Variants in ZNF536 observed in about 807,000 individuals in gnomAD.
ZNF536 encodes zinc finger protein 536.
Under a neutral mutation model 84.5 loss-of-function variants are expected in ZNF536, and 13 were observed. The observed-to-expected ratio is 0.15, with a 90% CI of 0.10 to 0.24. ZNF536 has a LOEUF of 0.24. Among genes scored for constraint, ZNF536 ranks in the 10% least tolerant of loss-of-function variants. The pLI is 1.00. For synonymous variants in ZNF536, 811 were observed against 742.5 expected, an observed-to-expected ratio of 1.09 and a Z score of -1.50; for missense variants, 1,536 against 1,747.5, an observed-to-expected ratio of 0.88 and a Z score of 2.16.
rs147261246 is a variant in ZNF536 at position 30,563,530 on chromosome 19, A to G, written c.169+14016A>G. 4.7e-4 allele frequency among the ~76,000 whole-genome samples: 72 copies of G among 152,326 alleles called. 2 individuals carry two copies. Among genetic ancestry groups the G allele is most frequent in the African/African-American group, 1.7e-3 (71 of 41,576 alleles). ...GCTCTACAACTGTCCTTTCTAAATG[A>G]TACCCAGTAATTTAATTTTAAATCA... On this transcript the variant is annotated intron_variant, in intron 1 of 1. Transcript: ENST00000592773.
chr19:30,605,380 T>C (rs12459281), intron 1 of ZNF536, among the ~76,000 whole-genome samples: 2,536 of 151,224 alleles, frequency 0.017, 94 homozygotes, highest in Admixed American at 0.09. Context: ...ATTATATCAC[T>C]CTTATGCCTT....
chr19:30,522,628 C>T (rs1401753003), intron 2 of ZNF536, among the ~76,000 whole-genome samples: 1 of 152,086 alleles, frequency 6.6e-6, no homozygotes, highest in African/African-American at 2.4e-5. Flanking sequence ...AATAGGCATG[C>T]TTTTCAGATG....
At chr19:30,268,036 T>C (rs1599961266) in intron 1 of ZNF536, among the ~76,000 whole-genome samples, 1 of 141,482 alleles carries the variant, frequency 7.1e-6, no homozygotes, top group Non-Finnish European at 1.5e-5. Flanking sequence ...TCCATCTTCC[T>C]CCCCCCGCCT....
At chr19:30,256,698 G>C (rs1334514449) in intron 1 of ZNF536, among the ~76,000 whole-genome samples, 1 of 152,116 alleles carries the variant, frequency 6.6e-6, no homozygotes, top group Non-Finnish European at 1.5e-5. Flanking sequence ...GAGGAGAGAG[G>C]CTATTTGGGA....
chr19:30,693,044 G>GAT (rs1421837569), intron 1 of ZNF536, among the ~76,000 whole-genome samples: 1 of 151,984 alleles, frequency 6.6e-6, no homozygotes, highest in African/African-American at 2.4e-5. Context: ...GAGAGAGAGA[G>GAT]AGAGAGTGTG....
At chr19:30,701,420 CACAA>C (rs1295174786) in intron 1 of ZNF536, among the ~76,000 whole-genome samples, 6 of 151,556 alleles carry the variant, frequency 4.0e-5, no homozygotes, top group South Asian at 2.1e-4. Context: ...CACAAAAACA[CACAA>C]ACACACACAC....
exon 2 of ZNF536, chr19:30,711,219 A>G (rs1173135865): frequency 6.6e-6 from 1 of 152,144 alleles, no homozygotes; most frequent in Non-Finnish European, 1.5e-5. Context: ...CCCGGCAACA[A>G]GTACTTCCAA....
At chr19:30,321,468 G>A (rs1362569675) in intron 2 of ZNF536, among the ~76,000 whole-genome samples, 2 of 152,308 alleles carry the variant, frequency 1.3e-5, no homozygotes, top group South Asian at 2.1e-4. Context: ...TGAGGCAGGA[G>A]AGTCACTTGA....
intron 1 of ZNF536, among the ~76,000 whole-genome samples, chr19:30,238,923 C>A (rs1163457148): frequency 6.6e-6 from 1 of 152,132 alleles, no homozygotes; most frequent in Non-Finnish European, 1.5e-5. Flanking sequence ...TTCAAAGCAG[C>A]CTAACACTTA....
intron 1 of ZNF536, among the ~76,000 whole-genome samples, chr19:30,597,833 G>A (rs2047520055): frequency 6.6e-6 from 1 of 152,086 alleles, no homozygotes; most frequent in African/African-American, 2.4e-5. Flanking sequence ...ATTGTTGCAT[G>A]CATTTGTTAT....
intron 1 of ZNF536, among the ~76,000 whole-genome samples, chr19:30,248,224 C>CTTTTTTTTTTTTTTTTTTTTTTT (rs58799737): frequency 7.6e-6 from 1 of 131,004 alleles, no homozygotes; most frequent in East Asian, 2.3e-4. Context: ...TCTTTTCTTT[C>CTTTTTTTTTTTTTTTTTTTTTTT]TTTTTTTTTT....
intron 2 of ZNF536, among the ~76,000 whole-genome samples, chr19:30,509,294 T>A (rs1162836422): frequency 6.7e-6 from 1 of 148,456 alleles, no homozygotes; most frequent in Non-Finnish European, 1.5e-5. Flanking sequence ...ATACAATATG[T>A]AACATATATT....
upstream of ZNF536, among the ~76,000 whole-genome samples, chr19:30,369,260 A>G (rs1190715196): frequency 6.6e-6 from 1 of 152,232 alleles, no homozygotes; most frequent in Admixed American, 6.5e-5. Flanking sequence ...GAGTTTTCGC[A>G]AAGTTTAAGT....
At chr19:30,687,184 T>C (rs1469027491) in intron 1 of ZNF536, among the ~76,000 whole-genome samples, 1 of 152,218 alleles carries the variant, frequency 6.6e-6, no homozygotes, top group Non-Finnish European at 1.5e-5. Flanking sequence ...GGGAACTTCC[T>C]TCCCTTCTTT....
At chr19:30,376,793 C>T (rs554667833) in intron 1 of ZNF536, among the ~76,000 whole-genome samples, 2 of 152,350 alleles carry the variant, frequency 1.3e-5, no homozygotes, top group South Asian at 4.1e-4. Context: ...CAGTTGACTC[C>T]CTTGACTGCC....
At position 30,444,141 on chromosome 19, in the gene ZNF536, C is replaced by G. The variant is rs749435165; in HGVS notation, c.579C>G (p.Arg193=). 17 of 1,601,558 alleles carry G rather than the reference C, an allele frequency of 1.1e-5. No individual in the cohort carries two copies. Among genetic ancestry groups the G allele is most frequent in the Non-Finnish European group, 1.4e-5 (17 of 1,174,864 alleles). The change falls in exon 2 of 5, where the codon CGC becomes CGG. Residue 193 remains arginine (R), a synonymous_variant. Transcript: ENST00000355537. ...TGGGCAAGGGGCGTGGGCGTGTGCG[C>G]GAGGAGAACCGCCTGCTGCACGAGC... The part of the protein sequence containing the change: ...GNLGKGRGRV[R]EENRLLHELE...
intron 1 of ZNF536, among the ~76,000 whole-genome samples, chr19:30,707,295 T>C (rs1194950309): frequency 6.6e-6 from 1 of 152,204 alleles, no homozygotes; most frequent in Non-Finnish European, 1.5e-5. Context: ...TCCTTCAGTC[T>C]ATGCCCTAAC....
At chr19:30,526,971 T>G (rs1283548174) in intron 2 of ZNF536, among the ~76,000 whole-genome samples, 3 of 151,898 alleles carry the variant, frequency 2.0e-5, no homozygotes, top group African/African-American at 7.2e-5. Context: ...CAGGCTGGAG[T>G]GCAGTGGTGT....
intron 1 of ZNF536, among the ~76,000 whole-genome samples, chr19:30,633,680 A>T (rs2048968005): frequency 6.6e-6 from 1 of 151,996 alleles, no homozygotes; most frequent in Non-Finnish European, 1.5e-5. Context: ...CCCCAATTCC[A>T]TCCAGATTGT....
Sources: gnomAD v4.1 joint callset for allele counts (sites outside exome capture counted in the v4.1 genomes callset) on GRCh38, gnomAD v4.1.1 for gene constraint, MANE v1.5 for transcripts, NCBI Gene and HGNC (gene_info 2026-07-23, HGNC 2026-07-21) for gene names.